DNAH3: variants seen among roughly 807,000 people sequenced by gnomAD.
DNAH3 encodes dynein axonemal heavy chain 3, also known as axonemal beta dynein heavy chain 3.
A neutral mutation model predicts 432.5 loss-of-function variants in DNAH3; 332 were observed. The ratio of observed to expected loss-of-function variants is 0.77; its 90% CI spans 0.70 to 0.84. The LOEUF (loss-of-function observed/expected upper bound fraction) is 0.84, where lower values mean the gene tolerates loss of function less well. DNAH3 is among the 40% of genes least tolerant of loss of function. The probability of loss-of-function intolerance (pLI) is 0.00; values close to 1 mark genes in which losing one functional copy is unlikely to be tolerated. For synonymous variants in DNAH3, 1,956 were observed against 1,900.2 expected, an observed-to-expected ratio of 1.03 and a Z score of -0.76; for missense variants, 4,861 against 5,114.0, an observed-to-expected ratio of 0.95 and a Z score of 1.51.
intron 37 of DNAH3, among the ~76,000 whole-genome samples, chr16:21,030,481 C>A (rs185034630): frequency 2.6e-5 from 4 of 152,106 alleles, no homozygotes; most frequent in African/African-American, 9.7e-5. Flanking sequence ...ATCTTGAATG[C>A]GGATTTTCTA....
chr16:20,964,685 C>T (rs1389747763), exon 53 of DNAH3: 6 of 1,614,134 alleles, frequency 3.7e-6, no homozygotes, highest in Non-Finnish European at 5.1e-6. Context: ...ATGCCATTGT[C>T]GATGGAGAAG....
intron 21 of DNAH3, among the ~76,000 whole-genome samples, chr16:21,073,172 C>T (rs1266426378): frequency 6.6e-6 from 1 of 152,072 alleles, no homozygotes; most frequent in Non-Finnish European, 1.5e-5. Flanking sequence ...AAATTTGGGC[C>T]TAGCATGTAT....
chr16:20,964,373 A>G (rs764982915), exon 53 of DNAH3: 3 of 1,614,182 alleles, frequency 1.9e-6, no homozygotes, highest in Non-Finnish European at 2.5e-6. Context: ...GTTGTGATGT[A>G]TAACTTAAAA....
At chr16:21,034,164 G>T in intron 35 of DNAH3, 79 bp from the exon 36 acceptor site, 1 of 910,540 alleles carries the variant, frequency 1.1e-6, no homozygotes, top group Non-Finnish European at 1.7e-6. Context: ...AGTCAATGAG[G>T]AATGAGGGGT....
chr16:21,037,822 A>G, exon 34 of DNAH3: 3 of 1,614,212 alleles, frequency 1.9e-6, no homozygotes, highest in Non-Finnish European at 2.5e-6. Context: ...CAATGCCCGG[A>G]GCAGCAGGAC....
chr16:21,000,496 G>T (rs770896123), exon 43 of DNAH3: 3 of 1,609,792 alleles, frequency 1.9e-6, no homozygotes, highest in Non-Finnish European at 2.5e-6. Flanking sequence ...TGTCTCCATT[G>T]TGGGGATGAT....
At chr16:21,114,238 C>T (rs1271898029) in intron 12 of DNAH3, among the ~76,000 whole-genome samples, 1 of 152,130 alleles carries the variant, frequency 6.6e-6, no homozygotes, top group African/African-American at 2.4e-5. Context: ...ATCCCTTCTT[C>T]AAGTCCCAAA....
chr16:21,124,255 A>G (rs1430180569), intron 9 of DNAH3, among the ~76,000 whole-genome samples: 1 of 152,246 alleles, frequency 6.6e-6, no homozygotes, highest in African/African-American at 2.4e-5. Context: ...ATATCAAGCC[A>G]AAGATTGAAA....
chr16:20,934,954 A>C (rs1025897382), intron 61 of DNAH3, among the ~76,000 whole-genome samples: 3 of 151,936 alleles, frequency 2.0e-5, no homozygotes, highest in African/African-American at 7.3e-5. Context: ...TAGCCATTCT[A>C]CTCTCTATAT....
In DNAH3 at chr16:21,106,640, C is replaced by CT. The variant is rs1567801813; in HGVS notation, c.2133dup (p.Val712SerfsTer3). On this transcript the variant is annotated frameshift_variant, in exon 15 of 62. Coordinates refer to ENST00000261383, the Ensembl canonical transcript of DNAH3. LOFTEE classifies it high-confidence loss of function. ...TTAGTGTTGGCAGGAACCTCACTGA[C>CT]TTTGTCTGCGATGTGGCTGTACTGA... 2 of 1,604,540 alleles carry CT rather than the reference C, an allele frequency of 1.2e-6. No individual in the cohort carries two copies. The highest frequency in any genetic ancestry group is 2.2e-5 in the South Asian group (2 of 89,630).
At chr16:21,081,272 G>A (rs1013176899) in intron 20 of DNAH3, among the ~76,000 whole-genome samples, 1 of 151,902 alleles carries the variant, frequency 6.6e-6, no homozygotes, top group African/African-American at 2.4e-5. Flanking sequence ...GCTCAGAGAC[G>A]GTTGTTGCTT....
At chr16:20,970,115 A>G in intron 51 of DNAH3, 125 bp from the exon 52 acceptor site, 1 of 865,392 alleles carries the variant, frequency 1.2e-6, no homozygotes, top group East Asian at 2.6e-5. Context: ...ACCCTTTAAC[A>G]TGGTGCCTGC....
In DNAH3 at chr16:21,069,605, A is replaced by G. The variant is rs2090706341; in HGVS notation, c.3202-11T>C. ...CTTTTCTTCCCATTTCTGTGAATTT[A>G]GCATTTCATATCTGGATCATTAACC... On this transcript the variant is annotated splice_polypyrimidine_tract_variant and intron_variant, in intron 22 of 61. Transcript: ENST00000261383. The G allele has an allele frequency of 1.2e-6, 2 of 1,608,334 alleles. No individual in the cohort carries two copies. Among genetic ancestry groups the G allele is most frequent in the Non-Finnish European group, 8.5e-7 (1 of 1,177,034 alleles).
chr16:21,050,419 A>G (rs2089905822), intron 29 of DNAH3, among the ~76,000 whole-genome samples: 1 of 152,102 alleles, frequency 6.6e-6, no homozygotes, highest in Non-Finnish European at 1.5e-5. Flanking sequence ...GTTAAAATAT[A>G]TTTCTCCAAC....
intron 41 of DNAH3, among the ~76,000 whole-genome samples, chr16:21,012,143 T>C (rs1178339240): frequency 6.6e-6 from 1 of 152,130 alleles, no homozygotes; most frequent in Non-Finnish European, 1.5e-5. Flanking sequence ...TTCAAGACAG[T>C]AAAAAGAATA....
rs1338723911 is a variant in DNAH3 at position 20,964,240 on chromosome 16, G to A, written c.9644C>T (p.Pro3215Leu). 4.3e-6 allele frequency: 7 copies of A among 1,613,990 alleles called. No homozygotes were observed. The African/African-American group carries it at 9.3e-5, about 22-fold the overall frequency. Residue 3215 changes from proline to leucine, a missense_variant, in exon 53 of 62, where the codon CCA becomes CTA. Physicochemically the swap from Pro to Leu is moderately conservative, Grantham distance 98. Coordinates refer to ENST00000261383, the Ensembl canonical transcript of DNAH3. ...CTGGTTCTTTTTCTCTTCCAGCTCT[G>A]GCTTCTCCTTCGCAGCCACGATGCC...
intron 50 of DNAH3, among the ~76,000 whole-genome samples, chr16:20,976,737 T>C (rs1429438618): frequency 6.6e-6 from 1 of 152,130 alleles, no homozygotes; most frequent in Non-Finnish European, 1.5e-5. Context: ...GTAAATGCCC[T>C]TATATAATAA....
chr16:20,938,262 G>GT (rs1196727282), intron 59 of DNAH3, among the ~76,000 whole-genome samples: 1 of 152,150 alleles, frequency 6.6e-6, no homozygotes, highest in Non-Finnish European at 1.5e-5. Context: ...ATGCGCGCCT[G>GT]TAATTCCAGC....
intron 57 of DNAH3, among the ~76,000 whole-genome samples, chr16:20,945,458 T>C (rs1031016392): frequency 3.9e-5 from 6 of 152,150 alleles, no homozygotes; most frequent in Non-Finnish European, 8.8e-5. Flanking sequence ...ACCCATGTCA[T>C]TGCTCTGTCT....
Sources: gnomAD v4.1 joint callset for allele counts (sites outside exome capture counted in the v4.1 genomes callset) on GRCh38, gnomAD v4.1.1 for gene constraint, MANE v1.5 for transcripts, NCBI Gene and HGNC (gene_info 2026-07-23, HGNC 2026-07-21) for gene names.